PKHD1: variants seen among roughly 807,000 people sequenced by gnomAD.
The protein encoded by PKHD1 is fibrocystin.
In PKHD1, 291 loss-of-function variants were observed where a neutral mutation model predicts 412.0. That is an observed-to-expected ratio of 0.71 (90% confidence interval 0.64 to 0.78). The LOEUF (loss-of-function observed/expected upper bound fraction) is 0.78, where lower values mean the gene tolerates loss of function less well. Ranked by LOEUF, PKHD1 falls within the 30% of genes least tolerant of loss-of-function variation. The pLI, the probability that PKHD1 is intolerant of heterozygous loss-of-function variation, is 0.00. For missense variants in PKHD1, 4,825 were observed against 4,950.7 expected (o/e 0.97, Z 0.76); for synonymous variants, 1,777 against 1,821.5 (o/e 0.98, Z 0.62).
intron 52 of PKHD1, among the ~76,000 whole-genome samples, chr6:51,793,887 C>T (rs1344270242): frequency 6.6e-6 from 1 of 152,004 alleles, no homozygotes; most frequent in African/African-American, 2.4e-5. Context: ...GGTTGTATAC[C>T]CAGTAATGGG....
chr6:52,010,235 T>C lies in PKHD1; in HGVS notation c.5751+74A>G. 28 of 1,367,306 alleles carry C rather than the reference T, an allele frequency of 2.0e-5. 2 individuals carry two copies. In the South Asian group the frequency reaches 3.3e-4, roughly 16 times the overall value. 84.7% of individuals were successfully genotyped at this position (1,367,306 alleles called of 1,614,324 possible). A position where few individuals can be genotyped will look rare whatever the true frequency, so the allele number is the denominator to read the frequency against. ...ATCGCTGCCATTTGGACTAAATTGT[T>C]TTTTTAATGTACACAATATTACAAA... On this transcript the variant is annotated intron_variant, in intron 35 of 66. Transcript: ENST00000371117.
At chr6:51,716,465 G>T (rs996513139) in intron 60 of PKHD1, among the ~76,000 whole-genome samples, 4 of 152,138 alleles carry the variant, frequency 2.6e-5, no homozygotes, top group African/African-American at 9.7e-5. Context: ...AAGAAGGGGT[G>T]CCCATTCTCA....
intron 35 of PKHD1, among the ~76,000 whole-genome samples, chr6:51,965,528 T>G (rs915006452): frequency 1.3e-5 from 2 of 151,920 alleles, no homozygotes; most frequent in African/African-American, 4.8e-5. Flanking sequence ...TTGGTATAAT[T>G]TATTCTTACT....
chr6:51,914,150 T>C (rs1033603942), intron 37 of PKHD1, among the ~76,000 whole-genome samples: 2 of 152,134 alleles, frequency 1.3e-5, no homozygotes, highest in Non-Finnish European at 2.9e-5. Context: ...ATACCTGCTA[T>C]GTGACTATCA....
chr6:51,997,017 G>A (rs1416609767), intron 35 of PKHD1, among the ~76,000 whole-genome samples: 1 of 152,240 alleles, frequency 6.6e-6, no homozygotes, highest in African/African-American at 2.4e-5. Flanking sequence ...ACCCTGAGCA[G>A]AGGGAATTTT....
rs908128707 is a variant in PKHD1 at position 51,753,431 on chromosome 6, C to A, written c.8798-78G>T. ...ATCACTAGCTGGGGACCCAGCAAACCTGAGAAATGAAAACATCCTTTCCCC... is the reference window on the plus strand; with the variant it reads ...ATCACTAGCTGGGGACCCAGCAAACATGAGAAATGAAAACATCCTTTCCCC... On this transcript the variant is annotated intron_variant, in intron 56 of 66. Coordinates refer to ENST00000371117, the MANE Select transcript of PKHD1 (RefSeq NM_138694.4). 5.9e-6 allele frequency: 7 copies of A among 1,189,970 alleles called. No individual in the cohort carries two copies. The African/African-American group carries it at 1.1e-4, about 18-fold the overall frequency. 73.7% of individuals were successfully genotyped at this position (1,189,970 alleles called of 1,614,324 possible). A position where few individuals can be genotyped will look rare whatever the true frequency, so the allele number is the denominator to read the frequency against.
At chr6:52,004,801 G>A (rs909196097) in intron 35 of PKHD1, among the ~76,000 whole-genome samples, 2 of 152,118 alleles carry the variant, frequency 1.3e-5, no homozygotes, top group Admixed American at 1.3e-4. Flanking sequence ...TAATCAGTCA[G>A]CATTTGAAAT....
At chr6:52,069,396 A>G in intron 11 of PKHD1, 61 bp downstream of exon 11, 3 of 1,178,912 alleles carry the variant, frequency 2.5e-6, no homozygotes, top group South Asian at 1.2e-5. Flanking sequence ...AAGATAGGGA[A>G]GGAGGGGCCA....
In PKHD1 at chr6:51,616,953, GA is replaced by G. The variant is rs1766121180; in HGVS notation, c.*2127del. On this transcript the variant is annotated 3_prime_UTR_variant, in exon 67 of 67. Coordinates refer to ENST00000371117, the MANE Select transcript of PKHD1 (RefSeq NM_138694.4). Reference sequence around the variant, plus strand: ...TGCAGTGATGTCATTCATTGAGTTGGAAAAAAACACAAGGAGAAGTAGGTTT... The same window carrying G: ...TGCAGTGATGTCATTCATTGAGTTGGAAAAAACACAAGGAGAAGTAGGTTT... The G allele has an allele frequency of 5.7e-6, 2 of 352,128 alleles. No homozygotes were observed. The highest frequency in any genetic ancestry group is 5.1e-6 in the Non-Finnish European group (1 of 197,206). The allele number at this position is 352,128 out of a possible 1,614,324, so 21.8% of individuals were successfully genotyped here.
At chr6:52,013,083 T>C (rs571484783) in intron 34 of PKHD1, among the ~76,000 whole-genome samples, 7 of 152,312 alleles carry the variant, frequency 4.6e-5, no homozygotes, top group Admixed American at 2.6e-4. Context: ...GAGTTTTTTG[T>C]ACCCAGTTTA....
intron 5 of PKHD1, among the ~76,000 whole-genome samples, chr6:52,077,738 A>G (rs912443930): frequency 1.3e-5 from 2 of 152,196 alleles, no homozygotes; most frequent in African/African-American, 4.8e-5. Flanking sequence ...AAAATAGTTC[A>G]CAGAAAATAT....
intron 55 of PKHD1, among the ~76,000 whole-genome samples, chr6:51,766,615 A>ATATTTTTATTTTTTTTTTTT (rs562939539): frequency 0.019 from 2,856 of 150,972 alleles, 29 homozygotes; most frequent in Admixed American, 0.027. Flanking sequence ...TGGTGTATTC[A>ATATTTTTATTTTTTTTTTTT]TATTTTTATT....
chr6:51,794,050 T>A (rs1406762294), intron 52 of PKHD1, among the ~76,000 whole-genome samples: 2 of 26,020 alleles, frequency 7.7e-5, no homozygotes, highest in Non-Finnish European at 1.0e-4. Context: ...TTTTTGACTT[T>A]TTTTTTTTTT....
At chr6:51,638,449 G>T (rs931674559) in intron 64 of PKHD1, among the ~76,000 whole-genome samples, 1 of 152,044 alleles carries the variant, frequency 6.6e-6, no homozygotes, top group African/African-American at 2.4e-5. Context: ...GATGGGTATT[G>T]TCCCCATTTG....
intron 45 of PKHD1, among the ~76,000 whole-genome samples, chr6:51,885,638 G>A (rs1008655187): frequency 3.3e-5 from 5 of 152,106 alleles, no homozygotes; most frequent in Non-Finnish European, 7.4e-5. Flanking sequence ...AACACCCAAT[G>A]GAGAAAATGA....
chr6:51,619,883 T>G (rs1766394698), intron 66 of PKHD1, among the ~76,000 whole-genome samples: 1 of 152,208 alleles, frequency 6.6e-6, no homozygotes, highest in African/African-American at 2.4e-5. Flanking sequence ...ACACCTGTGT[T>G]AAGAGATATG....
chr6:51,836,513 C>T, intron 50 of PKHD1, 44 bp from the exon 51 acceptor site: 1 of 1,354,868 alleles, frequency 7.4e-7, no homozygotes, highest in Non-Finnish European at 1.1e-6. Flanking sequence ...CAAAGATCAT[C>T]TTAATATTAA....
chr6:51,908,149 A>C (rs1782402293), intron 40 of PKHD1, among the ~76,000 whole-genome samples: 1 of 152,172 alleles, frequency 6.6e-6, no homozygotes, highest in Admixed American at 6.6e-5. Context: ...GCACTAGCGG[A>C]GAGGCCATAT....
chr6:52,072,590 C>T (rs1014675623), intron 7 of PKHD1, among the ~76,000 whole-genome samples: 1 of 152,108 alleles, frequency 6.6e-6, no homozygotes, highest in South Asian at 2.1e-4. Context: ...TTCTACCCCC[C>T]ACAAGAAGAG....
Sources: gnomAD v4.1 joint callset for allele counts (sites outside exome capture counted in the v4.1 genomes callset) on GRCh38, gnomAD v4.1.1 for gene constraint, MANE v1.5 for transcripts, NCBI Gene and HGNC (gene_info 2026-07-23, HGNC 2026-07-21) for gene names.